Variants in EPHA6 observed in about 807,000 individuals in gnomAD.
The protein encoded by EPHA6 is ephrin type-A receptor 6.
In EPHA6, 50 loss-of-function variants were observed where a neutral mutation model predicts 112.0. The observed-to-expected ratio is 0.45, with a 90% confidence interval of 0.36 to 0.56. The LOEUF (loss-of-function observed/expected upper bound fraction) is 0.56, where lower values mean the gene tolerates loss of function less well. EPHA6 is among the 20% of genes least tolerant of loss of function. The probability of loss-of-function intolerance (pLI) is 0.00; values close to 1 mark genes in which losing one functional copy is unlikely to be tolerated. For synonymous variants in EPHA6, 529 were observed against 490.7 expected (o/e 1.08, Z -1.03); for missense variants, 1,280 against 1,417.4 (o/e 0.90, Z 1.56).
At chr3:97,720,511 T>C in intron 15 of EPHA6, 101 bp downstream of exon 15, 1 of 1,051,122 alleles carries the variant, frequency 9.5e-7, no homozygotes, top group Non-Finnish European at 1.3e-6. Flanking sequence ...GCCTTTATCT[T>C]CCTGAGAACT....
chr3:97,246,723 T>A (rs1392971402), intron 5 of EPHA6, among the ~76,000 whole-genome samples: 1 of 151,888 alleles, frequency 6.6e-6, no homozygotes, highest in Non-Finnish European at 1.5e-5. Context: ...GTCATGTATA[T>A]ACTAATAAAA....
chr3:97,504,633 G>A (rs994628545), intron 10 of EPHA6, among the ~76,000 whole-genome samples: 22 of 152,194 alleles, frequency 1.4e-4, no homozygotes, highest in African/African-American at 5.3e-4. Context: ...TGTGCTTTCA[G>A]GCTGTTCTTT....
chr3:96,967,884 T>C (rs1218143743), intron 2 of EPHA6, among the ~76,000 whole-genome samples: 1 of 151,836 alleles, frequency 6.6e-6, no homozygotes, highest in Non-Finnish European at 1.5e-5. Flanking sequence ...TTGGATTTTG[T>C]TTATTATAAG....
At chr3:97,538,358 C>G (rs2092791816) in intron 11 of EPHA6, among the ~76,000 whole-genome samples, 1 of 152,002 alleles carries the variant, frequency 6.6e-6, no homozygotes, top group Non-Finnish European at 1.5e-5. Context: ...TGAATGGTTT[C>G]CATAAGTAAA....
At chr3:97,650,612 G>C (rs2094101219) in intron 14 of EPHA6, among the ~76,000 whole-genome samples, 1 of 151,902 alleles carries the variant, frequency 6.6e-6, no homozygotes, top group Admixed American at 6.6e-5. Context: ...CAAACTTTGA[G>C]AAAACCTCTA....
intron 1 of EPHA6, among the ~76,000 whole-genome samples, chr3:96,860,310 T>C (rs1452799684): frequency 6.6e-6 from 1 of 152,128 alleles, no homozygotes; most frequent in African/African-American, 2.4e-5. Flanking sequence ...ATAATTTTTT[T>C]CACAGACTCA....
intron 4 of EPHA6, among the ~76,000 whole-genome samples, chr3:97,231,419 T>C (rs1227148085): frequency 6.6e-6 from 1 of 152,206 alleles, no homozygotes; most frequent in Non-Finnish European, 1.5e-5. Flanking sequence ...AGCTACTCTT[T>C]CACCCTCTCT....
At chr3:96,870,768 G>A (rs1218045206) in intron 2 of EPHA6, among the ~76,000 whole-genome samples, 6 of 151,930 alleles carry the variant, frequency 3.9e-5, no homozygotes, top group African/African-American at 7.3e-5. Context: ...TCCATTAATC[G>A]GAGCCCATCA....
chr3:96,854,562 G>C (rs1447744952), intron 1 of EPHA6, among the ~76,000 whole-genome samples: 1 of 151,856 alleles, frequency 6.6e-6, no homozygotes, highest in Non-Finnish European at 1.5e-5. Flanking sequence ...TGTTTATTTT[G>C]ATCCAACTTT....
chr3:97,639,108 A>AT (rs987935258), intron 14 of EPHA6, among the ~76,000 whole-genome samples: 5 of 152,038 alleles, frequency 3.3e-5, no homozygotes, highest in Non-Finnish European at 7.4e-5. Context: ...TATCAATGAT[A>AT]TTTTTCACAG....
chr3:97,000,304 C>CACACAT (rs1333218664), intron 3 of EPHA6, among the ~76,000 whole-genome samples: 4 of 136,520 alleles, frequency 2.9e-5, no homozygotes, highest in African/African-American at 5.8e-5. Flanking sequence ...TATATATAGC[C>CACACAT]ATATATAGCC....
intron 3 of EPHA6, among the ~76,000 whole-genome samples, chr3:97,173,636 C>T (rs1468821948): frequency 6.6e-6 from 1 of 151,758 alleles, no homozygotes; most frequent in Non-Finnish European, 1.5e-5. Context: ...GTCTGCTTCT[C>T]TTTTAGGTAA....
intron 6 of EPHA6, among the ~76,000 whole-genome samples, chr3:97,432,757 G>A (rs2089590821): frequency 6.6e-6 from 1 of 152,146 alleles, no homozygotes; most frequent in Admixed American, 6.6e-5. Flanking sequence ...ATGGTGGGAA[G>A]AGAGAGAAGA....
chr3:97,688,939 T>C (rs1207540255), intron 14 of EPHA6, among the ~76,000 whole-genome samples: 3 of 152,216 alleles, frequency 2.0e-5, no homozygotes, highest in Non-Finnish European at 4.4e-5. Context: ...TTTTTTATTA[T>C]TCATTGAGTA....
chr3:97,442,632 A>T (rs763107814), intron 6 of EPHA6, among the ~76,000 whole-genome samples: 4 of 152,156 alleles, frequency 2.6e-5, no homozygotes, highest in Admixed American at 1.3e-4. Flanking sequence ...AATATACAGA[A>T]GTCTGCCCTT....
intron 14 of EPHA6, among the ~76,000 whole-genome samples, chr3:97,644,087 TC>T (rs2094035025): frequency 6.6e-6 from 1 of 151,628 alleles, no homozygotes; most frequent in Non-Finnish European, 1.5e-5. Flanking sequence ...TAACAAACTA[TC>T]TCTCAGACCA....
intron 1 of EPHA6, among the ~76,000 whole-genome samples, chr3:96,827,952 A>G (rs2107256779): frequency 6.6e-6 from 1 of 152,174 alleles, no homozygotes; most frequent in South Asian, 2.1e-4. Context: ...TAGAGTGGCT[A>G]AGAAGACAGT....
intron 3 of EPHA6, among the ~76,000 whole-genome samples, chr3:97,032,478 G>A (rs920768698): frequency 6.6e-6 from 1 of 151,726 alleles, no homozygotes; most frequent in Non-Finnish European, 1.5e-5. Flanking sequence ...AAAAAAGGAT[G>A]AGACCCATTA....
intron 7 of EPHA6, among the ~76,000 whole-genome samples, chr3:97,453,989 A>G (rs1035506609): frequency 5.3e-5 from 8 of 151,756 alleles, no homozygotes; most frequent in African/African-American, 1.7e-4. Context: ...TGTAATCCAA[A>G]TTGATATCAT....
Sources: allele counts gnomAD v4.1 joint callset (sites outside exome capture counted in the v4.1 genomes callset), GRCh38; gene constraint gnomAD v4.1.1; transcripts MANE v1.5; gene names NCBI Gene and HGNC (gene_info 2026-07-23, HGNC 2026-07-21).